Variants in CSNK1G3 observed in about 807,000 individuals in gnomAD.
The protein encoded by CSNK1G3 is casein kinase 1 gamma 3.
A neutral mutation model predicts 64.3 loss-of-function variants in CSNK1G3; 23 were observed. That is an observed-to-expected ratio of 0.36 (90% CI 0.26 to 0.51). The LOEUF (loss-of-function observed/expected upper bound fraction) is 0.51, where lower values mean the gene tolerates loss of function less well. CSNK1G3 is among the 20% of genes least tolerant of loss of function. The pLI is 0.96. For missense variants in CSNK1G3, 357 were observed against 510.5 expected, an observed-to-expected ratio of 0.70 and a Z score of 2.90; for synonymous variants, 158 against 162.2, an observed-to-expected ratio of 0.97 and a Z score of 0.20.
chr5:123,545,742 C>A, exon 2 of CSNK1G3: 1 of 1,613,618 alleles, frequency 6.2e-7, no homozygotes, highest in Non-Finnish European at 8.5e-7. Flanking sequence ...ACACAACACT[C>A]GAGGAACTGG....
chr5:123,522,712 G>T (rs970547407), intron 1 of CSNK1G3, among the ~76,000 whole-genome samples: 2 of 152,076 alleles, frequency 1.3e-5, no homozygotes, highest in Non-Finnish European at 2.9e-5. Context: ...GTCTGTGCAT[G>T]TTTAGTACAG....
At chr5:123,523,982 T>G (rs779335656) in intron 1 of CSNK1G3, among the ~76,000 whole-genome samples, 6 of 152,192 alleles carry the variant, frequency 3.9e-5, no homozygotes, top group Non-Finnish European at 8.8e-5. Context: ...GTCAAAAATC[T>G]CTAGACATTC....
At position 123,552,935 on chromosome 5, in the gene CSNK1G3, A is replaced by G. The variant is rs538967546; in HGVS notation, c.179-172A>G. The stretch of plus-strand genomic sequence containing the variant: ...TGAATCTAGGTGAAATACTAAATAC[A>G]TCGAGTTGATAATAAGTTTGAATAT... On this transcript the variant is annotated intron_variant, in intron 2 of 12. Coordinates refer to ENST00000345990, the Ensembl canonical transcript of CSNK1G3. The G allele has an allele frequency of 2.5e-5, 10 of 403,694 alleles. No individual in the cohort carries two copies. The South Asian group carries it at 4.7e-4, about 19-fold the overall frequency. 25.0% of individuals were successfully genotyped at this position (403,694 alleles called of 1,614,324 possible). A position where few individuals can be genotyped will look rare whatever the true frequency, so the allele number is the denominator to read the frequency against.
At position 123,604,543 on chromosome 5, in the gene CSNK1G3, A is replaced by G. The variant is rs112607042; in HGVS notation, c.1087-181A>G. 3.0e-3 allele frequency among the ~76,000 whole-genome samples: 462 copies of G among 152,260 alleles called. 6 individuals carry two copies. The highest frequency in any genetic ancestry group is 0.011 in the African/African-American group (443 of 41,582). On this transcript the variant is annotated intron_variant, in intron 10 of 12. Transcript: ENST00000345990. ...TGACTTTAATCTTTAATAAAATGCT[A>G]GACCAATTACTGTATTTAGTTATGA...
chr5:123,598,411 G>A (rs1793834200), intron 10 of CSNK1G3, among the ~76,000 whole-genome samples: 1 of 152,152 alleles, frequency 6.6e-6, no homozygotes, highest in Non-Finnish European at 1.5e-5. Flanking sequence ...CTGATGAACA[G>A]GCAGGGTGAT....
exon 2 of CSNK1G3, chr5:123,545,698 A>T (rs377249938): frequency 1.1e-5 from 18 of 1,613,398 alleles, no homozygotes; most frequent in Non-Finnish European, 1.4e-5. Context: ...GACAAATCAG[A>T]TGATAGAATG....
At chr5:123,575,010 A>G (rs1206491812) in intron 5 of CSNK1G3, among the ~76,000 whole-genome samples, 1 of 152,194 alleles carries the variant, frequency 6.6e-6, no homozygotes, top group Non-Finnish European at 1.5e-5. Flanking sequence ...TTTACATTGC[A>G]TTGTTAACCA....
intron 10 of CSNK1G3, among the ~76,000 whole-genome samples, chr5:123,593,424 G>A (rs187515989): frequency 2.6e-5 from 4 of 152,086 alleles, no homozygotes; most frequent in African/African-American, 7.2e-5. Flanking sequence ...ATTATGTCAC[G>A]TGACTTAAAC....
exon 13 of CSNK1G3, chr5:123,615,414 C>G (rs1462385063): frequency 6.6e-6 from 1 of 152,488 alleles, no homozygotes; most frequent in African/African-American, 2.4e-5. Context: ...AAAAAAAAGA[C>G]CCCCAGCAAT....
intron 12 of CSNK1G3, 22 bp from the exon 14 acceptor site, chr5:123,614,315 TAAAAA>T (rs1437649819): frequency 1.2e-6 from 2 of 1,601,794 alleles, no homozygotes; most frequent in Non-Finnish European, 1.7e-6. Context: ...GCTTTTAAAA[TAAAAA>T]GAGTGTTTCC....
intron 10 of CSNK1G3, among the ~76,000 whole-genome samples, chr5:123,599,356 A>G (rs1395700804): frequency 6.6e-6 from 1 of 152,210 alleles, no homozygotes; most frequent in Non-Finnish European, 1.5e-5. Flanking sequence ...AGAATTACAA[A>G]TGGTGCAGAT....
chr5:123,574,436 A>G lies in CSNK1G3; in HGVS notation c.438+895A>G, dbSNP rs145750740. Among the ~76,000 whole-genome samples, 640 of 152,274 alleles carry G rather than the reference A, an allele frequency of 4.2e-3. 4 individuals are homozygous for G. Among genetic ancestry groups the G allele is most frequent in the African/African-American group, 0.014 (592 of 41,540 alleles). ...AGGATGTTTATAATAAAAAAAGGAG[A>G]AGCAACCCAAATATGCAGAAATAAC... On this transcript the variant is annotated intron_variant, in intron 5 of 12. Transcript: ENST00000345990.
intron 1 of CSNK1G3, among the ~76,000 whole-genome samples, chr5:123,543,978 G>GA (rs1408457718): frequency 8.6e-5 from 13 of 152,046 alleles, no homozygotes; most frequent in African/African-American, 2.7e-4. Context: ...AGCATAAAAA[G>GA]AAAAAACAGA....
intron 1 of CSNK1G3, among the ~76,000 whole-genome samples, chr5:123,523,931 AGGT>A (rs1246185187): frequency 6.6e-6 from 1 of 152,160 alleles, no homozygotes; most frequent in African/African-American, 2.4e-5. Context: ...CCTTCTCTAG[AGGT>A]GGTGTTAAAT....
intron 4 of CSNK1G3, among the ~76,000 whole-genome samples, chr5:123,572,368 A>T (rs990077910): frequency 6.6e-6 from 1 of 152,074 alleles, no homozygotes. Context: ...TCATATTTGG[A>T]GTTTGTATTA....
chr5:123,604,675 AGCATGT>A (rs765557803), intron 10 of CSNK1G3, 43 bp from the exon 12 acceptor site: 1 of 894,700 alleles, frequency 1.1e-6, no homozygotes, highest in East Asian at 2.7e-5. Flanking sequence ...TATATTTATG[AGCATGT>A]GTGTGTACAT....
chr5:123,590,254 A>G (rs1241735208), intron 8 of CSNK1G3, among the ~76,000 whole-genome samples, 156 bp from the exon 9 acceptor site: 1 of 151,468 alleles, frequency 6.6e-6, no homozygotes, highest in East Asian at 1.9e-4. Context: ...CCTCTTTTTT[A>G]TTTTGTTGTA....
At chr5:123,545,886 A>T in intron 2 of CSNK1G3, 45 bp downstream of exon 2, 1 of 1,419,606 alleles carries the variant, frequency 7.0e-7, no homozygotes, top group East Asian at 2.3e-5. Context: ...ACATTTTAAA[A>T]ATTGGAAGAT....
chr5:123,553,226 G>C, intron 3 of CSNK1G3, 79 bp downstream of exon 3: 1 of 732,972 alleles, frequency 1.4e-6, no homozygotes, highest in Non-Finnish European at 2.1e-6. Context: ...ATTATTTTTT[G>C]TTTTCATGTC....
Sources: allele counts gnomAD v4.1 joint callset (sites outside exome capture counted in the v4.1 genomes callset), GRCh38; gene constraint gnomAD v4.1.1; transcripts MANE v1.5; gene names NCBI Gene and HGNC (gene_info 2026-07-23, HGNC 2026-07-21).